The following ASTN1 variants were observed in gnomAD, a reference collection of about 807,000 sequenced individuals.
The protein encoded by ASTN1 is astrotactin 1, also known as astrotactin-1.
In ASTN1, 41 loss-of-function variants were observed where a neutral mutation model predicts 140.7. The ratio of observed to expected loss-of-function variants is 0.29; its 90% CI spans 0.23 to 0.38. The LOEUF (loss-of-function observed/expected upper bound fraction) is 0.38. Among genes scored for constraint, ASTN1 ranks in the 10% least tolerant of loss-of-function variants. The pLI, the probability that ASTN1 is intolerant of heterozygous loss-of-function variation, is 1.00. For synonymous variants in ASTN1, 640 were observed against 652.2 expected (o/e 0.98, Z 0.29); for missense variants, 1,479 against 1,678.8 (o/e 0.88, Z 2.08).
At chr1:177,072,424 G>A (rs1483323433) in intron 1 of ASTN1, among the ~76,000 whole-genome samples, 2 of 152,120 alleles carry the variant, frequency 1.3e-5, no homozygotes, top group African/African-American at 2.4e-5. Context: ...CATTTCTGTA[G>A]GCTAATTTGT....
intron 20 of ASTN1, among the ~76,000 whole-genome samples, chr1:176,882,634 T>G (rs1051590352): frequency 2.0e-5 from 3 of 152,200 alleles, no homozygotes; most frequent in African/African-American, 7.2e-5. Context: ...TTCCCCTCTA[T>G]GTTGCAAACT....
intron 1 of ASTN1, among the ~76,000 whole-genome samples, chr1:177,141,851 A>G (rs951069751): frequency 6.6e-6 from 1 of 152,200 alleles, no homozygotes; most frequent in African/African-American, 2.4e-5. Context: ...CCTTGGAGCA[A>G]AACCAAAGCA....
In ASTN1 at chr1:176,944,021, A is replaced by T; in HGVS notation, c.2250-3T>A. 6.2e-7 allele frequency: 1 copy of T among 1,613,786 alleles called. No individual in the cohort carries two copies. Among genetic ancestry groups the T allele is most frequent in the Non-Finnish European group, 8.5e-7 (1 of 1,179,872 alleles). ...AACCACGAGCAAAGTTGTTTTGCCTAGAAAGAGGGTAGACCTTCATTTCTG... is the reference window on the plus strand; with the variant it reads ...AACCACGAGCAAAGTTGTTTTGCCTTGAAAGAGGGTAGACCTTCATTTCTG... On this transcript the variant is annotated splice_region_variant and splice_polypyrimidine_tract_variant and intron_variant, in intron 13 of 22. Coordinates refer to ENST00000361833, the MANE Select transcript of ASTN1 (RefSeq NM_004319.3).
intron 21 of ASTN1, among the ~76,000 whole-genome samples, chr1:176,871,107 G>A (rs1196067052): frequency 2.6e-5 from 4 of 152,174 alleles, no homozygotes; most frequent in Non-Finnish European, 4.4e-5. Context: ...GTCATGGGAT[G>A]GAAAATCTGG....
intron 1 of ASTN1, among the ~76,000 whole-genome samples, chr1:177,067,740 C>A (rs991716001): frequency 1.3e-5 from 2 of 152,136 alleles, no homozygotes; most frequent in African/African-American, 2.4e-5. Flanking sequence ...AAGACCCCAA[C>A]TTGTTTCATA....
intron 1 of ASTN1, among the ~76,000 whole-genome samples, chr1:177,101,382 A>G (rs527751343): frequency 6.6e-6 from 1 of 152,342 alleles, no homozygotes; most frequent in East Asian, 1.9e-4. Context: ...ACAATGAACA[A>G]CCTACAGCTA....
At chr1:176,903,703 T>A (rs1669865683) in intron 16 of ASTN1, among the ~76,000 whole-genome samples, 1 of 152,236 alleles carries the variant, frequency 6.6e-6, no homozygotes, top group Non-Finnish European at 1.5e-5. Context: ...GCTCTTGTTC[T>A]TATCAAATCC....
At chr1:176,924,408 C>A (rs187854225) in intron 16 of ASTN1, among the ~76,000 whole-genome samples, 2 of 152,238 alleles carry the variant, frequency 1.3e-5, no homozygotes, top group Admixed American at 6.5e-5. Context: ...GAGGCCTTCT[C>A]TGTGCTGGCC....
At chr1:177,032,302 T>TCA (rs1347912505) in intron 3 of ASTN1, among the ~76,000 whole-genome samples, 154 bp downstream of exon 3, 2 of 152,136 alleles carry the variant, frequency 1.3e-5, no homozygotes, top group Admixed American at 6.5e-5. Context: ...TCCCATCATC[T>TCA]CAGGAAACAG....
intron 8 of ASTN1, among the ~76,000 whole-genome samples, chr1:176,967,527 G>T (rs1002234717): frequency 6.6e-6 from 1 of 152,040 alleles, no homozygotes; most frequent in Non-Finnish European, 1.5e-5. Flanking sequence ...CATACATTTT[G>T]CCTTCCAGCC....
At chr1:177,075,751 A>G (rs1678870446) in intron 1 of ASTN1, among the ~76,000 whole-genome samples, 1 of 150,356 alleles carries the variant, frequency 6.7e-6, no homozygotes, top group Non-Finnish European at 1.5e-5. Context: ...GGCTCAAGCA[A>G]TCCTTCCATC....
chr1:176,890,244 A>G (rs1669204106), intron 17 of ASTN1, among the ~76,000 whole-genome samples: 1 of 152,222 alleles, frequency 6.6e-6, no homozygotes, highest in African/African-American at 2.4e-5. Context: ...ATGAATGCAT[A>G]TGGTGGCAAG....
At chr1:176,999,469 T>C (rs1447663431) in intron 8 of ASTN1, among the ~76,000 whole-genome samples, 1 of 152,240 alleles carries the variant, frequency 6.6e-6, no homozygotes, top group African/African-American at 2.4e-5. Context: ...GATGGAAATA[T>C]GTTCAATGAT....
chr1:176,993,239 G>T (rs900533684), intron 8 of ASTN1, among the ~76,000 whole-genome samples: 3 of 152,180 alleles, frequency 2.0e-5, no homozygotes, highest in Non-Finnish European at 4.4e-5. Context: ...TAGAGAGTAA[G>T]GTATCACAAA....
At chr1:177,021,247 T>TC (rs1675809524) in intron 7 of ASTN1, among the ~76,000 whole-genome samples, 1 of 152,204 alleles carries the variant, frequency 6.6e-6, no homozygotes, top group African/African-American at 2.4e-5. Flanking sequence ...TTTTTAGTCT[T>TC]CCTCTGTGTC....
intron 1 of ASTN1, among the ~76,000 whole-genome samples, chr1:177,127,360 C>T (rs1262001376): frequency 6.6e-6 from 1 of 152,154 alleles, no homozygotes; most frequent in African/African-American, 2.4e-5. Flanking sequence ...ACGGTTAATG[C>T]TTTTTATTCC....
chr1:177,088,158 T>C (rs1679569527), intron 1 of ASTN1, among the ~76,000 whole-genome samples: 1 of 152,212 alleles, frequency 6.6e-6, no homozygotes, highest in Non-Finnish European at 1.5e-5. Context: ...TGAAAATATA[T>C]CTGAATGCCT....
At chr1:176,939,810 GA>G (rs1671636776) in intron 14 of ASTN1, among the ~76,000 whole-genome samples, 1 of 123,054 alleles carries the variant, frequency 8.1e-6, no homozygotes, top group Non-Finnish European at 1.7e-5. Flanking sequence ...GAGGAAGAAG[GA>G]AGGAAGGAAG....
intron 1 of ASTN1, among the ~76,000 whole-genome samples, chr1:177,073,225 C>T (rs1404812207): frequency 6.6e-6 from 1 of 152,162 alleles, no homozygotes; most frequent in Non-Finnish European, 1.5e-5. Context: ...AGACATCAAC[C>T]TTAAAGCTGA....
Sources: allele counts gnomAD v4.1 joint callset (sites outside exome capture counted in the v4.1 genomes callset), GRCh38; gene constraint gnomAD v4.1.1; transcripts MANE v1.5; gene names NCBI Gene and HGNC (gene_info 2026-07-23, HGNC 2026-07-21).